ANK1: variants seen among roughly 807,000 people sequenced by gnomAD.
The protein encoded by ANK1 is ankyrin-1.
In ANK1, 51 loss-of-function variants were observed where a neutral mutation model predicts 210.4. The observed-to-expected ratio is 0.24, with a 90% CI of 0.19 to 0.31. The LOEUF (loss-of-function observed/expected upper bound fraction) is 0.31, where lower values mean the gene tolerates loss of function less well. ANK1 is among the 10% of genes least tolerant of loss of function. The pLI, the probability that ANK1 is intolerant of heterozygous loss-of-function variation, is 1.00. For synonymous variants in ANK1, 967 were observed against 1,025.9 expected, an observed-to-expected ratio of 0.94 and a Z score of 1.10; for missense variants, 2,051 against 2,504.4, an observed-to-expected ratio of 0.82 and a Z score of 3.86.
In ANK1 at chr8:41,698,047, T is replaced by C. The variant is rs138571521; in HGVS notation, c.2633A>G (p.Glu878Gly). Residue 878 changes from glutamate to glycine, a missense_variant, in exon 24 of 43, where the codon GAG becomes GGG. Coordinates refer to ENST00000289734, the MANE Select transcript of ANK1 (RefSeq NM_000037.4). ...ETVVIRSEEQ[E>G]QASKEYDEDS... ...CACAGAGAAGGAGCTTCTCACCTGC[T>C]CCTGCTCTTCTGACCTGATCACCAC... 3 of 1,613,960 alleles carry C rather than the reference T, an allele frequency of 1.9e-6. No homozygotes were observed. The African/African-American group carries it at 4.0e-5, about 22-fold the overall frequency.
intron 35 of ANK1, among the ~76,000 whole-genome samples, 192 bp from the exon 36 acceptor site, chr8:41,686,475 T>C (rs933967228): frequency 2.6e-5 from 4 of 152,230 alleles, no homozygotes; most frequent in African/African-American, 9.6e-5. Context: ...CCAGCACCTA[T>C]ACCTTTATGT....
intron 1 of ANK1, among the ~76,000 whole-genome samples, chr8:41,871,681 C>T (rs1425882637): frequency 2.0e-5 from 3 of 152,222 alleles, no homozygotes; most frequent in African/African-American, 7.2e-5. Flanking sequence ...TGTTCTTGGG[C>T]TTCCAGCCTC....
At chr8:41,824,511 C>CT (rs1805014652) in intron 1 of ANK1, among the ~76,000 whole-genome samples, 1 of 152,142 alleles carries the variant, frequency 6.6e-6, no homozygotes, top group Non-Finnish European at 1.5e-5. Context: ...GTCACCACTC[C>CT]TATGGAAACA....
chr8:41,707,352 G>A (rs371633735), intron 17 of ANK1, among the ~76,000 whole-genome samples: 5 of 152,162 alleles, frequency 3.3e-5, no homozygotes, highest in Non-Finnish European at 5.9e-5. Flanking sequence ...CCAACAAAAC[G>A]GATTTCTCTG....
At chr8:41,763,863 TTTC>T (rs1312340848) in intron 1 of ANK1, among the ~76,000 whole-genome samples, 1 of 147,148 alleles carries the variant, frequency 6.8e-6, no homozygotes, top group African/African-American at 2.5e-5. Flanking sequence ...TTTTTCTTTC[TTTC>T]TTCTTTCTTT....
chr8:41,859,209 C>A (rs1300879063), intron 1 of ANK1, among the ~76,000 whole-genome samples: 1 of 152,206 alleles, frequency 6.6e-6, no homozygotes, highest in Non-Finnish European at 1.5e-5. Flanking sequence ...GGAGAGAAAG[C>A]CCCCTGGGCG....
At chr8:41,822,174 G>GAA (rs1223231303) in intron 1 of ANK1, among the ~76,000 whole-genome samples, 5 of 145,270 alleles carry the variant, frequency 3.4e-5, no homozygotes, top group African/African-American at 1.3e-4. Flanking sequence ...AAGAAAGAAA[G>GAA]AAAGAAAGAA....
chr8:41,808,551 G>A lies in ANK1; in HGVS notation c.127-50414C>T, dbSNP rs372069032. The stretch of plus-strand genomic sequence containing the variant: ...GTGGTGGCGGCCACCTGTAATCCCA[G>A]CTACTTGGGAGTCTGAGGCAGGAGA... On this transcript the variant is annotated intron_variant, in intron 1 of 42. Coordinates refer to the ANK1 transcript ENST00000265709. Among the ~76,000 whole-genome samples, 146 of 152,126 alleles carry A rather than the reference G, an allele frequency of 9.6e-4. 1 individual carries two copies. The highest frequency in any genetic ancestry group is 3.4e-3 in the African/African-American group (142 of 41,500).
At chr8:41,718,760 A>C (rs1169199593) in intron 10 of ANK1, among the ~76,000 whole-genome samples, 1 of 152,184 alleles carries the variant, frequency 6.6e-6, no homozygotes, top group Non-Finnish European at 1.5e-5. Flanking sequence ...CCTCACCCCC[A>C]AAACATGTGG....
intron 26 of ANK1, among the ~76,000 whole-genome samples, chr8:41,695,715 A>G (rs72638988): frequency 0.036 from 5,529 of 152,380 alleles, 130 homozygotes; most frequent in Non-Finnish European, 0.051. Context: ...TTGAGGACAA[A>G]GAAACGTCAA....
At chr8:41,804,796 A>C (rs547116060) in intron 1 of ANK1, among the ~76,000 whole-genome samples, 7 of 152,332 alleles carry the variant, frequency 4.6e-5, no homozygotes, top group African/African-American at 1.7e-4. Context: ...GAGTGCTGCG[A>C]AATTCCCACA....
chr8:41,837,880 A>G (rs1242903576), intron 1 of ANK1, among the ~76,000 whole-genome samples: 1 of 152,058 alleles, frequency 6.6e-6, no homozygotes, highest in Non-Finnish European at 1.5e-5. Flanking sequence ...AAAAAAAAAA[A>G]TGTTAATTTA....
At chr8:41,684,521 C>T in intron 37 of ANK1, 23 bp downstream of exon 37, 1 of 1,613,322 alleles carries the variant, frequency 6.2e-7, no homozygotes, top group Non-Finnish European at 8.5e-7. Context: ...GCTCAGTCCC[C>T]ATCTGGTCCA....
intron 2 of ANK1, among the ~76,000 whole-genome samples, chr8:41,754,987 G>A (rs1484140890): frequency 6.6e-6 from 1 of 152,262 alleles, no homozygotes; most frequent in Admixed American, 6.5e-5. Flanking sequence ...TTTGCACTTG[G>A]TGTGTCCTGT....
intron 1 of ANK1, among the ~76,000 whole-genome samples, chr8:41,779,939 G>A (rs970445084): frequency 1.3e-5 from 2 of 152,220 alleles, no homozygotes; most frequent in Admixed American, 1.3e-4. Flanking sequence ...GAGAGACATG[G>A]GATCTGGCTG....
At chr8:41,715,991 G>A in intron 13 of ANK1, 142 bp from the exon 14 acceptor site, 1 of 980,524 alleles carries the variant, frequency 1.0e-6, no homozygotes, top group Non-Finnish European at 1.6e-6. Flanking sequence ...GAAGAGTCAG[G>A]ATTCGAATCA....
chr8:41,798,455 G>T (rs1332663421), upstream of ANK1, among the ~76,000 whole-genome samples: 1 of 152,240 alleles, frequency 6.6e-6, no homozygotes, highest in Non-Finnish European at 1.5e-5. Context: ...TCCCGCAGCT[G>T]CCAGAAGGTC....
chr8:41,850,591 C>A (rs1811057093), intron 1 of ANK1, among the ~76,000 whole-genome samples: 1 of 152,232 alleles, frequency 6.6e-6, no homozygotes, highest in South Asian at 2.1e-4. Flanking sequence ...AGTGATCCTC[C>A]CGCCTTAGCC....
chr8:41,814,677 C>G (rs1178263663), intron 1 of ANK1, among the ~76,000 whole-genome samples: 1 of 151,814 alleles, frequency 6.6e-6, no homozygotes, highest in African/African-American at 2.4e-5. Context: ...ATGCACCTGA[C>G]AAGCTATTTA....
Sources: gnomAD v4.1 joint callset for allele counts (sites outside exome capture counted in the v4.1 genomes callset) on GRCh38, gnomAD v4.1.1 for gene constraint, MANE v1.5 for transcripts, NCBI Gene and HGNC (gene_info 2026-07-23, HGNC 2026-07-21) for gene names.